Variants in CYRIA observed in about 807,000 individuals in gnomAD.
CYRIA encodes the protein CYFIP-related Rac1 interactor A.
In CYRIA, 15 loss-of-function variants were observed where a neutral mutation model predicts 43.9. The ratio of observed to expected loss-of-function variants is 0.34; its 90% confidence interval spans 0.23 to 0.53. The LOEUF is 0.53. CYRIA is among the 20% of genes least tolerant of loss of function. The pLI is 0.94. For synonymous variants in CYRIA, 117 were observed against 136.0 expected (o/e 0.86, Z 0.97); for missense variants, 236 against 394.2 (o/e 0.60, Z 3.40).
At position 16,561,167 on chromosome 2, in the gene CYRIA, G is replaced by C. The variant is rs1476447438; in HGVS notation, c.624C>G (p.Val208=). The change falls in exon 8 of 12, where the codon GTC becomes GTG. Residue 208 remains valine (V), a synonymous_variant. Transcript: ENST00000381323. ...KTLSNATMHF[V]SENKTLPIEN... Reference sequence around the variant, plus strand: ...GTTGCTCAACTTCACTTACTTCAGAGACAAAGTGCATTGTGGCATTGCTAA... The same window carrying C: ...GTTGCTCAACTTCACTTACTTCAGACACAAAGTGCATTGTGGCATTGCTAA... The C allele has an allele frequency of 6.2e-7, 1 of 1,613,164 alleles. No homozygotes were observed. The highest frequency in any genetic ancestry group is 2.2e-5 in the East Asian group (1 of 44,866).
chr2:16,636,536 C>T (rs530046129), intron 1 of CYRIA, among the ~76,000 whole-genome samples: 68 of 152,250 alleles, frequency 4.5e-4, no homozygotes, highest in African/African-American at 1.6e-3. Context: ...GCCCCAGGCC[C>T]GGTCCCGAGT....
At chr2:16,627,983 G>T (rs1669220231) in intron 1 of CYRIA, among the ~76,000 whole-genome samples, 1 of 152,220 alleles carries the variant, frequency 6.6e-6, no homozygotes, top group African/African-American at 2.4e-5. Flanking sequence ...CGGGCAGGCA[G>T]GCGGTTCCCT....
intron 2 of CYRIA, among the ~76,000 whole-genome samples, chr2:16,588,764 G>T (rs1462147422): frequency 6.6e-6 from 1 of 152,118 alleles, no homozygotes; most frequent in African/African-American, 2.4e-5. Context: ...TCAGAGGAGT[G>T]GCTCCCAGGC....
intron 3 of CYRIA, among the ~76,000 whole-genome samples, chr2:16,577,665 A>C (rs930790131): frequency 6.6e-6 from 1 of 152,258 alleles, no homozygotes; most frequent in Non-Finnish European, 1.5e-5. Context: ...AAGAGTGTGA[A>C]GTGTCATGAA....
chr2:16,562,071 C>G lies in CYRIA; in HGVS notation c.369G>C (p.Arg123Ser). 1 of 1,613,520 alleles carries G rather than the reference C, an allele frequency of 6.2e-7. No homozygotes were observed. Among genetic ancestry groups the G allele is most frequent in the Non-Finnish European group, 8.5e-7 (1 of 1,179,576 alleles). ...CAAACTCCTTTGCCAGGGCCTGTTCCCTTTCCAGGTGTTGGGTTGGTGTGT... is the reference window on the plus strand; with the variant it reads ...CAAACTCCTTTGCCAGGGCCTGTTCGCTTTCCAGGTGTTGGGTTGGTGTGT... The part of the protein sequence containing the change: ...PPYTPTQHLE[R>S]EQALAKEFAE... The change falls in exon 6 of 12, where the codon AGG (arginine) becomes AGC (serine). Residue 123 changes from arginine to serine, a missense_variant. Coordinates refer to ENST00000381323, the MANE Select transcript of CYRIA (RefSeq NM_030797.4).
chr2:16,663,509 G>T (rs775625971), intron 1 of CYRIA, among the ~76,000 whole-genome samples: 1 of 152,008 alleles, frequency 6.6e-6, no homozygotes, highest in East Asian at 1.9e-4. Context: ...ACTGGAGAGG[G>T]TCACTGACAG....
At chr2:16,622,527 G>A (rs1300744117) in intron 2 of CYRIA, among the ~76,000 whole-genome samples, 2 of 152,204 alleles carry the variant, frequency 1.3e-5, no homozygotes, top group Non-Finnish European at 2.9e-5. Flanking sequence ...GGTAGGTAGG[G>A]AAAGGAGCTG....
At chr2:16,572,443 A>T (rs1257320283) in intron 3 of CYRIA, among the ~76,000 whole-genome samples, 2 of 152,202 alleles carry the variant, frequency 1.3e-5, no homozygotes, top group Non-Finnish European at 2.9e-5. Context: ...CTAGACAAAA[A>T]GACATCTGAT....
chr2:16,588,144 A>C lies in CYRIA; in HGVS notation c.-10-15T>G. ...TCCCAGCAAACCTAGGAAAGGCAAC[A>C]CAAAACCAAATACCATTAGCAACAT... On this transcript the variant is annotated splice_polypyrimidine_tract_variant and intron_variant, in intron 2 of 11. Coordinates refer to ENST00000381323, the MANE Select transcript of CYRIA (RefSeq NM_030797.4). 6.5e-7 allele frequency: 1 copy of C among 1,545,662 alleles called. No individual in the cohort carries two copies. Among genetic ancestry groups the C allele is most frequent in the South Asian group, 1.2e-5 (1 of 86,296 alleles).
intron 1 of CYRIA, among the ~76,000 whole-genome samples, chr2:16,655,909 T>C (rs1433761725): frequency 5.3e-5 from 8 of 152,200 alleles, no homozygotes; most frequent in Non-Finnish European, 1.2e-4. Flanking sequence ...AGCAGCAGAA[T>C]TGGATATTTC....
intron 10 of CYRIA, among the ~76,000 whole-genome samples, chr2:16,557,353 G>C (rs916449204): frequency 2.6e-5 from 4 of 152,066 alleles, no homozygotes; most frequent in African/African-American, 9.7e-5. Flanking sequence ...AGAGCTCACT[G>C]CATGTCTATT....
intron 3 of CYRIA, among the ~76,000 whole-genome samples, chr2:16,575,248 C>T (rs368153672): frequency 2.0e-5 from 3 of 152,246 alleles, no homozygotes; most frequent in Middle Eastern, 3.4e-3. Flanking sequence ...TTTACAGGCT[C>T]ATAGGTGGAA....
In CYRIA at chr2:16,580,445, G is replaced by A. The variant is rs866056284; in HGVS notation, c.70+7605C>T. On this transcript the variant is annotated intron_variant, in intron 3 of 11. Coordinates refer to ENST00000381323, the MANE Select transcript of CYRIA (RefSeq NM_030797.4). The stretch of plus-strand genomic sequence containing the variant: ...GGGTATATTTGACAAAAGATGGGCA[G>A]CACTTTTATATTAAAAACTGTAAAC... Among the ~76,000 whole-genome samples, 20 of 152,196 alleles carry A rather than the reference G, an allele frequency of 1.3e-4. 1 individual carries two copies. The South Asian group carries it at 4.2e-3, about 32-fold the overall frequency.
At chr2:16,565,494 T>C in intron 4 of CYRIA, 152 bp downstream of exon 4, 3 of 957,162 alleles carry the variant, frequency 3.1e-6, no homozygotes, top group Non-Finnish European at 4.2e-6. Flanking sequence ...CCCATGCATT[T>C]TGTTTTTAAG....
chr2:16,664,742 CAGAG>C (rs1319938334), intron 1 of CYRIA, among the ~76,000 whole-genome samples: 1 of 152,124 alleles, frequency 6.6e-6, no homozygotes, highest in East Asian at 1.9e-4. Flanking sequence ...TGACTGGTGA[CAGAG>C]AGGAAAGTTT....
intron 3 of CYRIA, among the ~76,000 whole-genome samples, chr2:16,577,662 T>A (rs1048175840): frequency 6.6e-6 from 1 of 152,164 alleles, no homozygotes; most frequent in African/African-American, 2.4e-5. Flanking sequence ...AAGAAGAGTG[T>A]GAAGTGTCAT....
At position 16,555,158 on chromosome 2, in the gene CYRIA, A is replaced by G; in HGVS notation, c.838-19T>C. On this transcript the variant is annotated intron_variant, in intron 10 of 11. Coordinates refer to ENST00000381323, the MANE Select transcript of CYRIA (RefSeq NM_030797.4). ...CTTTCATCTAGGAGGAGAAAGCACA[A>G]TGTTTGTTAATATCTTAGTAATACT... The G allele has an allele frequency of 6.2e-7, 1 of 1,603,618 alleles. No homozygotes were observed. Among genetic ancestry groups the G allele is most frequent in the East Asian group, 2.2e-5 (1 of 44,722 alleles).
At chr2:16,607,321 T>TGGGGGGGGGGGGGGGGGGGG (rs1483489399) in intron 2 of CYRIA, among the ~76,000 whole-genome samples, 1 of 36,152 alleles carries the variant, frequency 2.8e-5, no homozygotes. Flanking sequence ...GAGGGGCGGG[T>TGGGGGGGGGGGGGGGGGGGG]GGGGGGTGCT....
intron 1 of CYRIA, among the ~76,000 whole-genome samples, chr2:16,656,144 C>G (rs1339431394): frequency 6.6e-6 from 1 of 152,062 alleles, no homozygotes; most frequent in Non-Finnish European, 1.5e-5. Context: ...AAGGATTCCC[C>G]CAATGCACAT....
Sources: allele counts gnomAD v4.1 joint callset (sites outside exome capture counted in the v4.1 genomes callset), GRCh38; gene constraint gnomAD v4.1.1; transcripts MANE v1.5; gene names NCBI Gene and HGNC (gene_info 2026-07-23, HGNC 2026-07-21).